Variants in TRHDE observed in about 807,000 individuals in gnomAD.
The protein encoded by TRHDE is thyrotropin releasing hormone degrading enzyme, also known as thyrotropin-releasing hormone-degrading ectoenzyme.
TRHDE carries 72 observed loss-of-function variants against 125.7 expected under a neutral mutation model. That is an observed-to-expected ratio of 0.57 (90% confidence interval 0.47 to 0.70). TRHDE has a LOEUF of 0.70. Among genes scored for constraint, TRHDE ranks in the 30% least tolerant of loss-of-function variants. TRHDE has a pLI of 0.00. For missense variants in TRHDE, 1,110 were observed against 1,327.1 expected, an observed-to-expected ratio of 0.84 and a Z score of 2.54; for synonymous variants, 509 against 509.1, an observed-to-expected ratio of 1.00 and a Z score of 0.00.
At chr12:72,465,622 C>T (rs1034546381) in intron 3 of TRHDE, among the ~76,000 whole-genome samples, 1 of 151,998 alleles carries the variant, frequency 6.6e-6, no homozygotes, top group African/African-American at 2.4e-5. Context: ...TATTGATGGA[C>T]ATTTGAGTTG....
intron 2 of TRHDE, among the ~76,000 whole-genome samples, chr12:72,174,508 T>C (rs1288980775): frequency 6.6e-6 from 1 of 152,184 alleles, no homozygotes; most frequent in Non-Finnish European, 1.5e-5. Context: ...CCAATTCATG[T>C]TCCAATCCAG....
rs144403796 is a variant in TRHDE at position 72,296,335 on chromosome 12, G to A, written c.1188+9381G>A. Among the ~76,000 whole-genome samples, 48 of 152,284 alleles carry A rather than the reference G, an allele frequency of 3.2e-4. No individual in the cohort carries two copies. The East Asian group carries it at 7.7e-3, about 24-fold the overall frequency. On this transcript the variant is annotated intron_variant, in intron 2 of 18. Transcript: ENST00000261180. ...AGTATCATCACTTTTAAGGACATCC[G>A]CAGGAAGATGTAAGTGAAAAGAGTT...
intron 15 of TRHDE, among the ~76,000 whole-genome samples, chr12:72,629,245 A>AATTATATTACTAG (rs1165343531): frequency 6.6e-6 from 1 of 151,800 alleles, no homozygotes; most frequent in Non-Finnish European, 1.5e-5. Flanking sequence ...TTTTTTAAAA[A>AATTATATTACTAG]ATTATATTAC....
chr12:72,643,035 A>G (rs1000188133), intron 15 of TRHDE, among the ~76,000 whole-genome samples: 1 of 152,220 alleles, frequency 6.6e-6, no homozygotes, highest in African/African-American at 2.4e-5. Flanking sequence ...GGCCCCTGGC[A>G]TATCCGGTGC....
chr12:72,414,442 AAAG>A (rs1305099084), intron 3 of TRHDE, among the ~76,000 whole-genome samples: 1 of 152,130 alleles, frequency 6.6e-6, no homozygotes, highest in Non-Finnish European at 1.5e-5. Context: ...AAAAATAAAG[AAAG>A]AAGGATTAAA....
intron 12 of TRHDE, among the ~76,000 whole-genome samples, chr12:72,592,927 G>A (rs1871754761): frequency 6.6e-6 from 1 of 152,108 alleles, no homozygotes; most frequent in African/African-American, 2.4e-5. Flanking sequence ...TGGCCAGGCT[G>A]GTCTTGAACT....
intron 6 of TRHDE, among the ~76,000 whole-genome samples, chr12:72,508,280 G>A (rs1878439202): frequency 6.6e-6 from 1 of 152,190 alleles, no homozygotes; most frequent in Non-Finnish European, 1.5e-5. Context: ...CTTGCAGCGT[G>A]TACCTAGAAA....
At chr12:72,530,346 G>C (rs906925792) in intron 6 of TRHDE, among the ~76,000 whole-genome samples, 1 of 144,554 alleles carries the variant, frequency 6.9e-6, no homozygotes, top group Non-Finnish European at 1.5e-5. Flanking sequence ...TAGCTGACTT[G>C]CTTTCTTAAG....
intron 2 of TRHDE, among the ~76,000 whole-genome samples, chr12:72,363,732 A>T (rs1397395948): frequency 1.3e-5 from 2 of 152,062 alleles, no homozygotes; most frequent in Non-Finnish European, 2.9e-5. Flanking sequence ...GCCCTCTCTC[A>T]CCACTCCTAT....
intron 1 of TRHDE, among the ~76,000 whole-genome samples, chr12:72,274,172 G>T (rs755276598): frequency 6.6e-6 from 1 of 152,188 alleles, no homozygotes; most frequent in Non-Finnish European, 1.5e-5. Flanking sequence ...ACCGGGACGG[G>T]GGTGGAGGTT....
chr12:72,403,320 G>C (rs1324759344), intron 3 of TRHDE, among the ~76,000 whole-genome samples: 1 of 152,178 alleles, frequency 6.6e-6, no homozygotes, highest in African/African-American at 2.4e-5. Flanking sequence ...GGAACATTCA[G>C]GGCCTTTGTA....
intron 1 of TRHDE, among the ~76,000 whole-genome samples, chr12:72,281,732 C>T (rs1168342010): frequency 1.3e-5 from 2 of 152,126 alleles, no homozygotes; most frequent in East Asian, 3.8e-4. Flanking sequence ...AAAAGGCAAA[C>T]TGAAAAATAA....
intron 3 of TRHDE, among the ~76,000 whole-genome samples, chr12:72,388,176 C>T (rs1302865384): frequency 6.6e-6 from 1 of 152,136 alleles, no homozygotes; most frequent in South Asian, 2.1e-4. Context: ...AAACATTTTT[C>T]ATTCAAATAG....
chr12:72,130,255 A>G (rs1436702375), intron 2 of TRHDE, among the ~76,000 whole-genome samples: 1 of 152,212 alleles, frequency 6.6e-6, no homozygotes, highest in Admixed American at 6.5e-5. Flanking sequence ...GTGAGCCAAG[A>G]TCACACCGCT....
intron 5 of TRHDE, among the ~76,000 whole-genome samples, chr12:72,488,018 A>G (rs533042102): frequency 6.6e-6 from 1 of 152,232 alleles, no homozygotes; most frequent in South Asian, 2.1e-4. Flanking sequence ...TTCAACAGAT[A>G]CACAAGCAAT....
intron 2 of TRHDE, among the ~76,000 whole-genome samples, chr12:72,368,350 C>G (rs1871427083): frequency 6.6e-6 from 1 of 152,030 alleles, no homozygotes. Context: ...CTGAATGTGT[C>G]TTCTTTTTTT....
chr12:72,250,927 G>A (rs1878670961), intron 2 of TRHDE, among the ~76,000 whole-genome samples: 1 of 146,226 alleles, frequency 6.8e-6, no homozygotes, highest in Admixed American at 6.9e-5. Flanking sequence ...TTCTCCACTG[G>A]AAAGCCACTT....
chr12:72,145,036 TG>T (rs1876197969), intron 2 of TRHDE, among the ~76,000 whole-genome samples: 1 of 151,992 alleles, frequency 6.6e-6, no homozygotes, highest in South Asian at 2.1e-4. Context: ...GGGATGAAGG[TG>T]GGCTTGATAA....
chr12:72,137,828 G>T (rs1268867506), intron 2 of TRHDE, among the ~76,000 whole-genome samples: 1 of 152,102 alleles, frequency 6.6e-6, no homozygotes, highest in Non-Finnish European at 1.5e-5. Context: ...GAAAGTCAAA[G>T]CTTTCTATTT....
Sources: allele counts gnomAD v4.1 joint callset (sites outside exome capture counted in the v4.1 genomes callset), GRCh38; gene constraint gnomAD v4.1.1; transcripts MANE v1.5; gene names NCBI Gene and HGNC (gene_info 2026-07-23, HGNC 2026-07-21).